Variants in TRPM3 observed in about 807,000 individuals in gnomAD.
TRPM3 encodes the protein long transient receptor potential channel 3.
In TRPM3, 77 loss-of-function variants were observed where a neutral mutation model predicts 181.2. That is an observed-to-expected ratio of 0.42 (90% CI 0.35 to 0.51). TRPM3 has a LOEUF of 0.51. TRPM3 is among the 20% of genes least tolerant of loss of function. TRPM3 has a pLI of 0.01. For missense variants in TRPM3, 1,759 were observed against 2,196.7 expected (o/e 0.80, Z 3.98); for synonymous variants, 745 against 796.4 (o/e 0.94, Z 1.09).
chr9:71,086,988 T>C (rs918102096), intron 1 of TRPM3, among the ~76,000 whole-genome samples: 1 of 152,036 alleles, frequency 6.6e-6, no homozygotes, highest in Admixed American at 6.6e-5. Context: ...CTTATGAAAC[T>C]ACCGAATTTC....
intron 1 of TRPM3, among the ~76,000 whole-genome samples, chr9:70,963,252 T>G (rs1394919937): frequency 6.6e-6 from 1 of 152,220 alleles, no homozygotes; most frequent in Non-Finnish European, 1.5e-5. Context: ...GCCAAGCACC[T>G]TACAGGCTGC....
intron 1 of TRPM3, among the ~76,000 whole-genome samples, chr9:71,187,384 T>C (rs1669539337): frequency 6.6e-6 from 1 of 152,002 alleles, no homozygotes; most frequent in Admixed American, 6.6e-5. Context: ...CCACTTCTTA[T>C]TCCTCCACAT....
chr9:71,202,905 A>G (rs567908933), intron 1 of TRPM3, among the ~76,000 whole-genome samples: 2 of 152,322 alleles, frequency 1.3e-5, no homozygotes, highest in East Asian at 3.9e-4. Flanking sequence ...TGGGTATTAG[A>G]AAAATGTCCT....
At chr9:70,744,539 G>GTTA (rs935841223) in intron 8 of TRPM3, among the ~76,000 whole-genome samples, 2 of 151,692 alleles carry the variant, frequency 1.3e-5, no homozygotes, top group African/African-American at 2.4e-5. Flanking sequence ...GATGAAAGGT[G>GTTA]TTATTATTAT....
chr9:70,680,674 TC>T (rs375661537), intron 9 of TRPM3, among the ~76,000 whole-genome samples: 18 of 152,350 alleles, frequency 1.2e-4, no homozygotes, highest in Middle Eastern at 3.4e-3. Flanking sequence ...AGGAGACATT[TC>T]TAACTCAGAA....
chr9:71,299,634 TG>T (rs770267420), intron 1 of TRPM3, among the ~76,000 whole-genome samples: 8 of 152,118 alleles, frequency 5.3e-5, no homozygotes, highest in Non-Finnish European at 1.0e-4. Context: ...AATTGTGCAA[TG>T]GTTAGTTATA....
At chr9:70,870,309 G>A (rs191070969) in intron 1 of TRPM3, among the ~76,000 whole-genome samples, 1 of 152,128 alleles carries the variant, frequency 6.6e-6, no homozygotes, top group African/African-American at 2.4e-5. Flanking sequence ...TAACTTGCAA[G>A]GTTTCCCCAG....
At position 71,292,441 on chromosome 9, in the gene TRPM3, A is replaced by G. The variant is rs1255009288; in HGVS notation, c.183+154212T>C. On this transcript the variant is annotated intron_variant, in intron 1 of 24. Transcript: ENST00000357533. ...CTCTAAAAAATACTGATTTTTTTAT[A>G]GAGGGAGGAATAAACAATATCAGAA... 2.0e-5 allele frequency among the ~76,000 whole-genome samples: 3 copies of G among 152,142 alleles called. No homozygotes were observed. The East Asian group carries it at 5.8e-4, about 29-fold the overall frequency.
intron 1 of TRPM3, among the ~76,000 whole-genome samples, chr9:71,166,094 T>C (rs2076527748): frequency 6.6e-6 from 1 of 152,090 alleles, no homozygotes; most frequent in Non-Finnish European, 1.5e-5. Context: ...CTATGAAGAA[T>C]CAAGCAAGAC....
chr9:71,051,692 A>G (rs778711779), intron 1 of TRPM3, among the ~76,000 whole-genome samples: 71 of 152,150 alleles, frequency 4.7e-4, no homozygotes, highest in Non-Finnish European at 4.3e-4. Flanking sequence ...TTATATCACC[A>G]TAGAGTACTG....
intron 1 of TRPM3, among the ~76,000 whole-genome samples, chr9:71,344,538 A>G (rs1255820556): frequency 6.6e-6 from 1 of 152,202 alleles, no homozygotes; most frequent in Admixed American, 6.5e-5. Flanking sequence ...GGATATTTGC[A>G]TGACCTAAAA....
At chr9:71,408,278 C>A (rs2093475070) in intron 1 of TRPM3, among the ~76,000 whole-genome samples, 1 of 152,134 alleles carries the variant, frequency 6.6e-6, no homozygotes, top group Non-Finnish European at 1.5e-5. Context: ...AAGGCGCCTT[C>A]AGAAGAACGT....
At chr9:71,046,240 C>G (rs1246887579) in intron 1 of TRPM3, among the ~76,000 whole-genome samples, 1 of 152,168 alleles carries the variant, frequency 6.6e-6, no homozygotes, top group Non-Finnish European at 1.5e-5. Context: ...CAGACTCGGC[C>G]TCCCAAAGTG....
chr9:70,594,670 G>C (rs1222606364), intron 21 of TRPM3, among the ~76,000 whole-genome samples: 2 of 152,076 alleles, frequency 1.3e-5, no homozygotes, highest in African/African-American at 4.8e-5. Context: ...TTGGTGTACT[G>C]GCTTCTTATA....
At chr9:70,804,390 G>T (rs575316792) in intron 6 of TRPM3, among the ~76,000 whole-genome samples, 5 of 152,276 alleles carry the variant, frequency 3.3e-5, no homozygotes, top group African/African-American at 1.2e-4. Flanking sequence ...GATATACTAT[G>T]TAAGTAGACT....
intron 1 of TRPM3, among the ~76,000 whole-genome samples, chr9:71,181,241 T>C (rs1360203): frequency 0.43 from 65,735 of 151,900 alleles, 14,577 homozygotes; most frequent in East Asian, 0.52. Context: ...AAACTGATCT[T>C]CTATTACTAC....
chr9:71,028,259 G>A (rs189410518), intron 1 of TRPM3, among the ~76,000 whole-genome samples: 39 of 152,200 alleles, frequency 2.6e-4, no homozygotes, highest in African/African-American at 8.9e-4. Context: ...TTTCAGACAA[G>A]CAAATGCTGA....
chr9:70,535,137 T>A lies in TRPM3; in HGVS notation c.*816A>T. The A allele has an allele frequency of 3.4e-6, 1 of 295,320 alleles. No individual in the cohort carries two copies. Among genetic ancestry groups the A allele is most frequent in the Non-Finnish European group, 6.1e-6 (1 of 162,762 alleles). The allele number at this position is 295,320 out of a possible 1,614,324, so 18.3% of individuals were successfully genotyped here. On this transcript the variant is annotated 3_prime_UTR_variant, in exon 26 of 26. Transcript: ENST00000677713. Reference sequence around the variant, plus strand: ...ATTAAAAAATATAAAATTATTTAATTACATTCTCCTGAGCTTGCTCGACTA... The same window carrying A: ...ATTAAAAAATATAAAATTATTTAATAACATTCTCCTGAGCTTGCTCGACTA...
In TRPM3 at chr9:70,536,191, A is replaced by C. The variant is rs748273171; in HGVS notation, c.4922T>G (p.Val1641Gly). The change falls in exon 26 of 26, where the codon GTT becomes GGT. Residue 1641 changes from valine (V) to glycine (G), a missense_variant. This residue lies in a region of TRPM3 where 612 missense variants were observed against 590.0 expected (regional missense o/e 1.04). Transcript: ENST00000677713. Reference protein sequence around the residue: ...SERTLSNNITVPKIERANSYS... With the variant: ...SERTLSNNITGPKIERANSYS... ...GCTGTTGGCGCGCTCTATCTTGGGA[A>C]CAGTGATGTTGTTGGACAGGGTTCT... is the stretch of plus-strand genomic sequence containing the variant. 152 of 1,614,030 alleles carry C rather than the reference A, an allele frequency of 9.4e-5. No individual in the cohort carries two copies. The highest frequency in any genetic ancestry group is 1.2e-4 in the Non-Finnish European group (145 of 1,180,014).
Sources: gnomAD v4.1 joint callset for allele counts (sites outside exome capture counted in the v4.1 genomes callset) on GRCh38, gnomAD v4.1.1 for gene constraint, gnomAD v4.1.1 regional missense constraint, MANE v1.5 for transcripts, NCBI Gene and HGNC (gene_info 2026-07-23, HGNC 2026-07-21) for gene names.